Variants in ZNF385A observed in about 807,000 individuals in gnomAD.
The protein encoded by ZNF385A is zinc finger protein 385A.
In ZNF385A, 14 loss-of-function variants were observed where a neutral mutation model predicts 32.1. The ratio of observed to expected loss-of-function variants is 0.44; its 90% confidence interval spans 0.29 to 0.68. The LOEUF is 0.68. Ranked by LOEUF, ZNF385A falls within the 30% of genes least tolerant of loss-of-function variation. ZNF385A has a pLI of 0.14. For missense variants in ZNF385A, 406 were observed against 478.4 expected (o/e 0.85, Z 1.41); for synonymous variants, 197 against 202.7 (o/e 0.97, Z 0.24).
At chr12:54,379,228 G>T (rs1157378398) in intron 1 of ZNF385A, 2 of 982,606 alleles carry the variant, frequency 2.0e-6, no homozygotes, top group African/African-American at 1.8e-5. Context: ...GGCGGCGCTG[G>T]CCCGGGCCGG....
At chr12:54,371,788 C>G in intron 3 of ZNF385A, 73 bp from the exon 4 acceptor site, 2 of 1,584,376 alleles carry the variant, frequency 1.3e-6, no homozygotes, top group South Asian at 2.3e-5. Flanking sequence ...GGAAGAGACC[C>G]CCCCCATTTC....
intron 1 of ZNF385A, among the ~76,000 whole-genome samples, chr12:54,376,705 C>T (rs1954866964): frequency 6.6e-6 from 1 of 152,186 alleles, no homozygotes; most frequent in African/African-American, 2.4e-5. Flanking sequence ...TAGGAACCAT[C>T]CCTGTCCCCA....
chr12:54,382,384 A>G (rs1469242525), intron 1 of ZNF385A, among the ~76,000 whole-genome samples: 2 of 151,952 alleles, frequency 1.3e-5, no homozygotes, highest in Non-Finnish European at 2.9e-5. Flanking sequence ...CAGTCTGAAA[A>G]CTTAAAAGTG....
chr12:54,371,096 C>A lies in ZNF385A; in HGVS notation c.605G>T (p.Gly202Val). Reference protein sequence around the residue: ...SLSQLEAHNKGTKHKTILEAR... With the variant: ...SLSQLEAHNKVTKHKTILEAR... ...CTCCAGAATTGTCTTGTGCTTAGTA[C>A]CTGGAGCCCAGAGAGGGCAGGAGGT... Residue 202 changes from glycine to valine, a missense_variant and splice_region_variant, in exon 5 of 7, where the codon GGT becomes GTT. By Grantham distance (109) the Gly-to-Val change is moderately radical. Transcript: ENST00000394313. The A allele has an allele frequency of 6.3e-7, 1 of 1,595,118 alleles. No homozygotes were observed. The highest frequency in any genetic ancestry group is 8.5e-7 in the Non-Finnish European group (1 of 1,172,560).
At chr12:54,387,112 C>T (rs1173925127), upstream of ZNF385A, among the ~76,000 whole-genome samples, 1 of 152,204 alleles carries the variant, frequency 6.6e-6, no homozygotes, top group Non-Finnish European at 1.5e-5. Context: ...GCACAGGCTT[C>T]CATCTTGTTC....
chr12:54,375,588 A>G (rs1954807801), intron 2 of ZNF385A, among the ~76,000 whole-genome samples: 1 of 151,842 alleles, frequency 6.6e-6, no homozygotes, highest in South Asian at 2.1e-4. Context: ...CCCAAGTCTC[A>G]AGGGAGGGAG....
chr12:54,386,277 GGAATCGGACAGT>G (rs1461078380), upstream of ZNF385A, among the ~76,000 whole-genome samples: 1 of 151,940 alleles, frequency 6.6e-6, no homozygotes, highest in Non-Finnish European at 1.5e-5. Flanking sequence ...AGGTGACTGA[GGAATCGGACAGT>G]GACACTGAGA....
chr12:54,388,119 C>T (rs1035795167), upstream of ZNF385A, among the ~76,000 whole-genome samples: 1 of 150,610 alleles, frequency 6.6e-6, no homozygotes, highest in African/African-American at 2.5e-5. Flanking sequence ...GGAGCTGAGG[C>T]CTGGCTGGGG....
At chr12:54,373,847 T>G in intron 3 of ZNF385A, 126 bp downstream of exon 3, 1 of 1,066,852 alleles carries the variant, frequency 9.4e-7, no homozygotes, top group Non-Finnish European at 1.3e-6. Context: ...AGGACTCACC[T>G]TGGGTGGGGG....
chr12:54,382,847 A>ATTT (rs1252109974), intron 1 of ZNF385A, among the ~76,000 whole-genome samples: 142 of 152,164 alleles, frequency 9.3e-4, no homozygotes, highest in African/African-American at 3.2e-3. Context: ...TTTTTTAAAA[A>ATTT]AAATATTTAT....
chr12:54,380,071 G>A (rs1363913405), intron 1 of ZNF385A, among the ~76,000 whole-genome samples: 2 of 152,230 alleles, frequency 1.3e-5, no homozygotes, highest in Non-Finnish European at 2.9e-5. Flanking sequence ...CAAGGGCAGA[G>A]GGAAGCAGTG....
At chr12:54,382,289 T>C (rs1955232684) in intron 1 of ZNF385A, among the ~76,000 whole-genome samples, 1 of 151,740 alleles carries the variant, frequency 6.6e-6, no homozygotes, top group Non-Finnish European at 1.5e-5. Flanking sequence ...TTAGCCAGGA[T>C]GGTCTCAATC....
chr12:54,375,742 C>A, intron 2 of ZNF385A, 102 bp downstream of exon 2: 1 of 976,886 alleles, frequency 1.0e-6, no homozygotes, highest in South Asian at 1.4e-5. Flanking sequence ...AATCCCTGCC[C>A]CTCAACCAGA....
chr12:54,390,827 T>TC (rs1350135692), intron 1 of ZNF385A, among the ~76,000 whole-genome samples: 1 of 151,596 alleles, frequency 6.6e-6, no homozygotes, highest in African/African-American at 2.4e-5. Flanking sequence ...TGTCGGAGTA[T>TC]CTAAGCTAAG....
chr12:54,387,323 T>C (rs746755945), upstream of ZNF385A, among the ~76,000 whole-genome samples: 1 of 150,704 alleles, frequency 6.6e-6, no homozygotes, highest in Non-Finnish European at 1.5e-5. Context: ...CAAATGAGGG[T>C]ACAGTGAGGG....
rs1174033726 is a variant in ZNF385A, at chr12:54,370,357, C to T, written c.1000G>A (p.Ala334Thr). The T allele has an allele frequency of 6.0e-6, 9 of 1,504,518 alleles. No individual in the cohort carries two copies. Among genetic ancestry groups the T allele is most frequent in the African/African-American group, 1.4e-5 (1 of 71,764 alleles). 93.2% of individuals were successfully genotyped at this position (1,504,518 alleles called of 1,614,324 possible). The change falls in exon 7 of 7, where the codon GCA becomes ACA. Residue 334 changes from alanine (A) to threonine (T), a missense_variant. Coordinates refer to ENST00000394313, the MANE Select transcript of ZNF385A (RefSeq NM_015481.3). The surrounding 1 kb of genome is among the most constrained non-coding windows in gnomAD (Gnocchi z 5.5). The part of the protein sequence containing the change: ...SPLSLRPAPA[A>T]PLLQGPPITH... ...ATCGGCGGTCCCTGGAGAAGAGGTG[C>T]GGCTGGAGCCGGGCGCAGGGACAGC...
At chr12:54,373,899 G>A (rs537644316) in intron 3 of ZNF385A, 74 bp downstream of exon 3, 1 of 1,391,658 alleles carries the variant, frequency 7.2e-7, no homozygotes, top group Admixed American at 2.4e-5. Flanking sequence ...GGAAGCAGAG[G>A]ACAGTTCTGG....
intron 1 of ZNF385A, among the ~76,000 whole-genome samples, chr12:54,383,552 C>T (rs1286398402): frequency 1.3e-5 from 2 of 152,248 alleles, no homozygotes; most frequent in African/African-American, 4.8e-5. Flanking sequence ...AGTTGCCCCA[C>T]TCACCTTCCT....
At chr12:54,371,186 T>C in intron 4 of ZNF385A, 90 bp from the exon 5 acceptor site, 3 of 1,412,460 alleles carry the variant, frequency 2.1e-6, no homozygotes, top group East Asian at 2.3e-5. Context: ...AGGTACAATA[T>C]GAGGGGGAAG....
Sources: allele counts gnomAD v4.1 joint callset (sites outside exome capture counted in the v4.1 genomes callset), GRCh38; gene constraint gnomAD v4.1.1; non-coding constraint Gnocchi (gnomAD v3.1); transcripts MANE v1.5; gene names NCBI Gene and HGNC (gene_info 2026-07-23, HGNC 2026-07-21).